The following KNTC1 variants were observed in gnomAD, a reference collection of about 807,000 sequenced individuals.
KNTC1 encodes the protein kinetochore associated 1.
KNTC1 carries 253 observed loss-of-function variants against 314.4 expected under a neutral mutation model. That is an observed-to-expected ratio of 0.80 (90% CI 0.73 to 0.89). The LOEUF is 0.89. Among genes scored for constraint, KNTC1 ranks in the 40% least tolerant of loss-of-function variants. The pLI, the probability that KNTC1 is intolerant of heterozygous loss-of-function variation, is 0.00. For missense variants in KNTC1, 2,475 were observed against 2,572.9 expected, an observed-to-expected ratio of 0.96 and a Z score of 0.82; for synonymous variants, 901 against 901.4, an observed-to-expected ratio of 1.00 and a Z score of 0.01.
At chr12:122,605,485 A>G (rs1872493179) in intron 51 of KNTC1, 70 bp downstream of exon 51, 1 of 729,852 alleles carries the variant, frequency 1.4e-6, no homozygotes, top group African/African-American at 1.8e-5. Context: ...AAGGCTAAAT[A>G]TTTATCCCAC....
At chr12:122,594,204 G>T in intron 42 of KNTC1, 72 bp from the exon 43 acceptor site, 1 of 826,204 alleles carries the variant, frequency 1.2e-6, no homozygotes, top group Non-Finnish European at 2.0e-6. Flanking sequence ...GGCAAGTCAT[G>T]ATGTTGCCCT....
At chr12:122,542,262 G>A in intron 6 of KNTC1, 135 bp downstream of exon 6, 1 of 593,040 alleles carries the variant, frequency 1.7e-6, no homozygotes, top group South Asian at 2.4e-5. Flanking sequence ...TGGGTATACT[G>A]TTAAGTATTC....
intron 31 of KNTC1, among the ~76,000 whole-genome samples, chr12:122,579,634 C>T (rs1050507979): frequency 2.6e-5 from 4 of 151,936 alleles, no homozygotes; most frequent in Non-Finnish European, 4.4e-5. Flanking sequence ...ACTCTAAAAG[C>T]GAATAAGGAT....
In KNTC1 at chr12:122,615,042, C is replaced by T. The variant is rs944298357; in HGVS notation, c.5929C>T (p.Gln1977Ter). The change falls in exon 56 of 64, where the codon CAG becomes TAG. Residue 1977 changes from glutamine to a stop codon, truncating the protein, a stop_gained. Transcript: ENST00000333479. LOFTEE classifies it high-confidence loss of function. ...LCLEYKIYDL[Q>*]LWNGLLQKLL... is the part of the protein sequence containing the mutation. ...TTTAGAATACAAAATCTATGACCTG[C>T]AGCTTTGGAATGGACTCTTGCAAAA... 6.2e-7 allele frequency: 1 copy of T among 1,613,468 alleles called. No individual in the cohort carries two copies. Among genetic ancestry groups the T allele is most frequent in the Admixed American group, 1.7e-5 (1 of 59,970 alleles).
chr12:122,601,502 T>C, intron 44 of KNTC1, 34 bp from the exon 45 acceptor site: 1 of 1,489,268 alleles, frequency 6.7e-7, no homozygotes, highest in Non-Finnish European at 9.0e-7. Flanking sequence ...GGCAAAGTCT[T>C]ATCAAGTTTT....
rs1212800955 is a variant in KNTC1 at position 122,557,462 on chromosome 12, TG to T, written c.1353del (p.Trp451CysfsTer5). On this transcript the variant is annotated frameshift_variant, in exon 17 of 64. Transcript: ENST00000333479. LOFTEE classifies it high-confidence loss of function. ...SSVDASEQTE[W>X]QQLVDDAKEN... ...TGTGGATGCCAGTGAACAGACCGAA[TG>T]GCAACAACTTGTAGACGACGCTAAG... The T allele has an allele frequency of 6.2e-7, 1 of 1,613,932 alleles. No homozygotes were observed. The highest frequency in any genetic ancestry group is 1.7e-5 in the Admixed American group (1 of 60,014).
Position 122,584,815 on chromosome 12 carries a change from G to A in KNTC1, c.3437-78G>A, listed in dbSNP as rs1868995445. 6 of 748,584 alleles carry A rather than the reference G, an allele frequency of 8.0e-6. No homozygotes were observed. The South Asian group carries it at 9.3e-5, about 12-fold the overall frequency. The allele number at this position is 748,584 out of a possible 1,614,324, so 46.4% of individuals were successfully genotyped here. A position where few individuals can be genotyped will look rare whatever the true frequency, so the allele number is the denominator to read the frequency against. ...GTGGCCTTCCTTAGAATTTTAAATG[G>A]TAATTATTAAAAGGTTGTTTTCATT... is the stretch of plus-strand genomic sequence containing the variant. On this transcript the variant is annotated intron_variant, in intron 35 of 63. Transcript: ENST00000333479.
intron 5 of KNTC1, among the ~76,000 whole-genome samples, 172 bp from the exon 6 acceptor site, chr12:122,541,878 G>T (rs1411645270): frequency 6.6e-6 from 1 of 151,798 alleles, no homozygotes; most frequent in Non-Finnish European, 1.5e-5. Flanking sequence ...AATTAGCTGG[G>T]CATGGTGGTG....
intron 18 of KNTC1, among the ~76,000 whole-genome samples, chr12:122,559,970 T>G (rs1963870799): frequency 6.6e-6 from 1 of 152,196 alleles, no homozygotes; most frequent in Non-Finnish European, 1.5e-5. Flanking sequence ...GTTGTGAAAC[T>G]GAAACTCTGC....
At chr12:122,575,034 A>G (rs1425879645) in intron 27 of KNTC1, among the ~76,000 whole-genome samples, 3 of 152,220 alleles carry the variant, frequency 2.0e-5, no homozygotes, top group Admixed American at 2.0e-4. Context: ...GCCAAGGCAG[A>G]CAGATCACCT....
Position 122,615,460 on chromosome 12 carries a change from T to A in KNTC1, c.5974-10T>A. 6.6e-7 allele frequency: 1 copy of A among 1,508,504 alleles called. No individual in the cohort carries two copies. Among genetic ancestry groups the A allele is most frequent in the Non-Finnish European group, 8.9e-7 (1 of 1,123,714 alleles). 93.4% of individuals were successfully genotyped at this position (1,508,504 alleles called of 1,614,324 possible). A position where few individuals can be genotyped will look rare whatever the true frequency, so the allele number is the denominator to read the frequency against. On this transcript the variant is annotated splice_polypyrimidine_tract_variant and intron_variant, in intron 56 of 63. Transcript: ENST00000333479. ...GTCTTTAGAACTTTTTTATTTTTAA[T>A]TTTTTACAGATTCCTTATCTAAGGA...
chr12:122,547,944 C>G lies in KNTC1; in HGVS notation c.962C>G (p.Ala321Gly). The G allele has an allele frequency of 6.4e-7, 1 of 1,551,664 alleles. No individual in the cohort carries two copies. Among genetic ancestry groups the G allele is most frequent in the Non-Finnish European group, 8.7e-7 (1 of 1,153,402 alleles). The change falls in exon 12 of 64, where the codon GCT (alanine) becomes GGT (glycine). Residue 321 changes from alanine to glycine, a missense_variant. Transcript: ENST00000333479. Reference sequence around the variant, plus strand: ...GGAATTACAAATCTCAAATTAATAGCTCTGACAGCTTCAGCTAATAAGAAG... The same window carrying G: ...GGAATTACAAATCTCAAATTAATAGGTCTGACAGCTTCAGCTAATAAGAAG... ...WQGITNLKLI[A>G]LTASANKKMK...
intron 44 of KNTC1, 147 bp downstream of exon 44, chr12:122,598,085 C>T: frequency 1.5e-6 from 1 of 682,946 alleles, no homozygotes; most frequent in East Asian, 2.8e-5. Context: ...ATATTTTTAA[C>T]ACAGTTAAAT....
intron 23 of KNTC1, 28 bp downstream of exon 23, chr12:122,570,960 A>G (rs780851206): frequency 8.2e-6 from 13 of 1,593,412 alleles, no homozygotes; most frequent in Non-Finnish European, 1.0e-5. Context: ...AACAGTAAAA[A>G]GACATTTTGC....
At chr12:122,528,079 C>T (rs1322406923) in intron 1 of KNTC1, among the ~76,000 whole-genome samples, 2 of 152,174 alleles carry the variant, frequency 1.3e-5, no homozygotes, top group Admixed American at 6.5e-5. Context: ...GTGTTCTGTT[C>T]AAGCTATATT....
chr12:122,613,410 T>G (rs999026103), intron 54 of KNTC1, 180 bp downstream of exon 54: 1 of 655,086 alleles, frequency 1.5e-6, no homozygotes, highest in African/African-American at 1.8e-5. Flanking sequence ...AACATCTTGT[T>G]TCCATCGTTT....
rs1388909186 is a variant in KNTC1, at chr12:122,572,994, C to T, written c.2077C>T (p.Arg693Ter). 6 of 1,608,182 alleles carry T rather than the reference C, an allele frequency of 3.7e-6. No homozygotes were observed. The highest frequency in any genetic ancestry group is 5.1e-6 in the Non-Finnish European group (6 of 1,176,466). Reference sequence around the variant, plus strand: ...GCTAAGGACTTTGGTAAATAACTTGCGAGAGTTGATCACGTTGCATAGGAA... The same window carrying T: ...GCTAAGGACTTTGGTAAATAACTTGTGAGAGTTGATCACGTTGCATAGGAA... The part of the protein sequence containing the change: ...CQLRTLVNNL[R>*]ELITLHRKYN... The change falls in exon 25 of 64, where the codon CGA (arginine) becomes TGA (stop). Residue 693 changes from arginine (R) to a stop codon, truncating the protein, a stop_gained. Transcript: ENST00000333479. LOFTEE classifies it high-confidence loss of function.
At chr12:122,567,426 A>G (rs1376663782) in intron 20 of KNTC1, among the ~76,000 whole-genome samples, 1 of 152,188 alleles carries the variant, frequency 6.6e-6, no homozygotes, top group Non-Finnish European at 1.5e-5. Flanking sequence ...ATGCATAGTA[A>G]TATTTCATTT....
chr12:122,571,493 G>A (rs949082140), intron 24 of KNTC1, among the ~76,000 whole-genome samples: 1 of 151,850 alleles, frequency 6.6e-6, no homozygotes, highest in Non-Finnish European at 1.5e-5. Context: ...TGAGTAGCTG[G>A]GACTACAGGT....
Sources: gnomAD v4.1 joint callset for allele counts (sites outside exome capture counted in the v4.1 genomes callset) on GRCh38, gnomAD v4.1.1 for gene constraint, MANE v1.5 for transcripts, NCBI Gene and HGNC (gene_info 2026-07-23, HGNC 2026-07-21) for gene names.